PCCA: variants seen among roughly 807,000 people sequenced by gnomAD.
PCCA encodes propionyl-CoA carboxylase alpha chain, mitochondrial.
PCCA carries 74 observed loss-of-function variants against 101.3 expected under a neutral mutation model. The observed-to-expected ratio is 0.73, with a 90% CI of 0.61 to 0.89. The LOEUF is 0.89. Among genes scored for constraint, PCCA ranks in the 40% least tolerant of loss-of-function variants. The probability of loss-of-function intolerance (pLI) is 0.00; values close to 1 mark genes in which losing one functional copy is unlikely to be tolerated. For missense variants in PCCA, 891 were observed against 907.0 expected (o/e 0.98, Z 0.23); for synonymous variants, 294 against 313.6 (o/e 0.94, Z 0.66).
intron 15 of PCCA, among the ~76,000 whole-genome samples, chr13:100,309,258 G>A (rs1014864873): frequency 7.9e-5 from 12 of 152,158 alleles, no homozygotes; most frequent in African/African-American, 1.4e-4. Context: ...TTAGCTGGGC[G>A]TGGTGACACA....
chr13:100,092,608 G>T (rs1320326228), intron 1 of PCCA, among the ~76,000 whole-genome samples: 1 of 151,970 alleles, frequency 6.6e-6, no homozygotes, highest in African/African-American at 2.4e-5. Flanking sequence ...TGCCCAGGCT[G>T]GTCTCAAACT....
intron 6 of PCCA, among the ~76,000 whole-genome samples, chr13:100,179,306 T>A (rs1175716107): frequency 6.6e-6 from 1 of 152,112 alleles, no homozygotes; most frequent in Non-Finnish European, 1.5e-5. Flanking sequence ...CAAAATGACT[T>A]TCATGCCACC....
chr13:100,275,123 G>T (rs1223282483), intron 12 of PCCA, among the ~76,000 whole-genome samples: 1 of 152,080 alleles, frequency 6.6e-6, no homozygotes, highest in African/African-American at 2.4e-5. Flanking sequence ...TCCTGCAGTG[G>T]TTTTCTCACG....
Position 100,506,250 on chromosome 13 carries a change from C to T in PCCA, c.1900-9177C>T, listed in dbSNP as rs559054601. 3.9e-5 allele frequency among the ~76,000 whole-genome samples: 6 copies of T among 152,062 alleles called. No individual in the cohort carries two copies. In the South Asian group the frequency reaches 1.2e-3, roughly 32 times the overall value. Reference sequence around the variant, plus strand: ...ATCGTGTGTTCTGTACACAGCACAGCATGAGGGTGCCAGCAGTCCTCCTTG... The same window carrying T: ...ATCGTGTGTTCTGTACACAGCACAGTATGAGGGTGCCAGCAGTCCTCCTTG... On this transcript the variant is annotated intron_variant, in intron 21 of 23. Transcript: ENST00000376285.
intron 4 of PCCA, among the ~76,000 whole-genome samples, chr13:100,153,049 G>A (rs2053530794): frequency 6.6e-6 from 1 of 152,010 alleles, no homozygotes; most frequent in African/African-American, 2.4e-5. Flanking sequence ...TTATGTAGGT[G>A]TAGATTTTTA....
At chr13:100,287,639 A>G (rs2064785664) in intron 12 of PCCA, among the ~76,000 whole-genome samples, 1 of 151,976 alleles carries the variant, frequency 6.6e-6, no homozygotes, top group African/African-American at 2.4e-5. Context: ...CATGTTTGCT[A>G]GTTTTATTAT....
intron 6 of PCCA, among the ~76,000 whole-genome samples, chr13:100,190,694 G>A (rs1277955927): frequency 6.6e-6 from 1 of 151,948 alleles, no homozygotes; most frequent in Non-Finnish European, 1.5e-5. Context: ...ACACCAAAAA[G>A]CTCATGCCTG....
intron 11 of PCCA, among the ~76,000 whole-genome samples, chr13:100,270,433 A>T (rs569571502): frequency 2.0e-5 from 3 of 152,312 alleles, no homozygotes; most frequent in African/African-American, 7.2e-5. Context: ...AATTCAATTA[A>T]CACTCTGTTT....
intron 4 of PCCA, among the ~76,000 whole-genome samples, chr13:100,119,289 T>G (rs2049132600): frequency 6.6e-6 from 1 of 152,198 alleles, no homozygotes; most frequent in South Asian, 2.1e-4. Flanking sequence ...TGTTTATTTC[T>G]ATTCCTGACT....
intron 21 of PCCA, among the ~76,000 whole-genome samples, chr13:100,470,750 T>C (rs968440159): frequency 6.6e-6 from 1 of 152,110 alleles, no homozygotes; most frequent in Non-Finnish European, 1.5e-5. Flanking sequence ...GCCACTCTAC[T>C]CGGGAGGCTG....
chr13:100,205,330 A>G (rs1180640520), intron 6 of PCCA, among the ~76,000 whole-genome samples: 1 of 152,186 alleles, frequency 6.6e-6, no homozygotes, highest in South Asian at 2.1e-4. Context: ...CTTTTTGGTT[A>G]CAGATTTATG....
chr13:100,186,040 T>C (rs1390681067), intron 6 of PCCA, among the ~76,000 whole-genome samples: 1 of 152,274 alleles, frequency 6.6e-6, no homozygotes, highest in Non-Finnish European at 1.5e-5. Context: ...TTAAAAATTA[T>C]TCAGTTTTCT....
intron 6 of PCCA, among the ~76,000 whole-genome samples, chr13:100,187,719 C>T (rs116150653): frequency 0.014 from 2,154 of 152,034 alleles, 60 homozygotes; most frequent in African/African-American, 0.049. Context: ...TGTGCAAGTT[C>T]GTTACATAGG....
At chr13:100,436,340 T>C (rs1354427722) in intron 20 of PCCA, among the ~76,000 whole-genome samples, 1 of 152,234 alleles carries the variant, frequency 6.6e-6, no homozygotes, top group African/African-American at 2.4e-5. Context: ...GCAATCAGTC[T>C]GATTGGTTTT....
chr13:100,267,388 G>A (rs1201633138), intron 10 of PCCA, among the ~76,000 whole-genome samples: 2 of 151,962 alleles, frequency 1.3e-5, no homozygotes, highest in Non-Finnish European at 2.9e-5. Flanking sequence ...GAAAGGGTTT[G>A]TTCCTAAAAA....
At chr13:100,235,756 G>A in intron 7 of PCCA, 86 bp from the exon 8 acceptor site, 1 of 840,696 alleles carries the variant, frequency 1.2e-6, no homozygotes, top group East Asian at 2.4e-5. Flanking sequence ...AATCGGAGGA[G>A]ACAGTAGTGC....
intron 16 of PCCA, among the ~76,000 whole-genome samples, chr13:100,314,832 C>G (rs2067201582): frequency 6.6e-6 from 1 of 152,116 alleles, no homozygotes; most frequent in African/African-American, 2.4e-5. Context: ...ATGTGTGATC[C>G]TGGTTTAGAT....
At chr13:100,298,564 A>G (rs1484174986) in intron 12 of PCCA, among the ~76,000 whole-genome samples, 1 of 141,002 alleles carries the variant, frequency 7.1e-6, no homozygotes, top group Admixed American at 7.6e-5. Context: ...TTATTTTTAT[A>G]ACCTTTTGAT....
chr13:100,324,319 G>A (rs1381789705), intron 16 of PCCA, among the ~76,000 whole-genome samples: 1 of 152,030 alleles, frequency 6.6e-6, no homozygotes, highest in Non-Finnish European at 1.5e-5. Context: ...ATCCTCTTGT[G>A]GCAGTTACCT....
Sources: gnomAD v4.1 joint callset for allele counts (sites outside exome capture counted in the v4.1 genomes callset) on GRCh38, gnomAD v4.1.1 for gene constraint, MANE v1.5 for transcripts, NCBI Gene and HGNC (gene_info 2026-07-23, HGNC 2026-07-21) for gene names.